MAPK6: variants seen among roughly 807,000 people sequenced by gnomAD.
The protein encoded by MAPK6 is ERK-3.
MAPK6 carries 19 observed loss-of-function variants against 59.3 expected under a neutral mutation model. That is an observed-to-expected ratio of 0.32 (90% confidence interval 0.22 to 0.47). MAPK6 has a LOEUF of 0.47. MAPK6 is among the 20% of genes least tolerant of loss of function. MAPK6 has a pLI of 1.00. For missense variants in MAPK6, 724 were observed against 847.9 expected, an observed-to-expected ratio of 0.85 and a Z score of 1.81; for synonymous variants, 316 against 290.3, an observed-to-expected ratio of 1.09 and a Z score of -0.90.
chr15:51,993,404 C>T (rs537389026), intron 2 of MAPK6, among the ~76,000 whole-genome samples: 7 of 152,256 alleles, frequency 4.6e-5, no homozygotes, highest in African/African-American at 1.7e-4. Flanking sequence ...ATGTCACAGA[C>T]AGACCCAGGA....
chr15:52,044,381 A>G (rs2031534837), intron 1 of MAPK6, among the ~76,000 whole-genome samples: 1 of 152,196 alleles, frequency 6.6e-6, no homozygotes, highest in Non-Finnish European at 1.5e-5. Flanking sequence ...TCTTTCTCCT[A>G]TTGGACAATG....
chr15:52,032,281 C>T (rs973894133), intron 1 of MAPK6, among the ~76,000 whole-genome samples: 3 of 149,676 alleles, frequency 2.0e-5, no homozygotes, highest in Non-Finnish European at 4.4e-5. Flanking sequence ...ACCTCCGACT[C>T]CCTGGTTTAA....
chr15:51,976,633 A>G (rs1190762676), intron 1 of MAPK6, among the ~76,000 whole-genome samples: 1 of 151,796 alleles, frequency 6.6e-6, no homozygotes, highest in African/African-American at 2.4e-5. Context: ...AGTTAGAACT[A>G]TGTGGAATTG....
At chr15:52,059,483 G>C (rs944644209) in intron 4 of MAPK6, among the ~76,000 whole-genome samples, 10 of 152,110 alleles carry the variant, frequency 6.6e-5, no homozygotes, top group African/African-American at 2.4e-4. Flanking sequence ...GTGGAGTGGG[G>C]AACAGGGTGG....
chr15:52,057,781 A>T (rs1439702919), intron 3 of MAPK6, among the ~76,000 whole-genome samples: 1 of 152,200 alleles, frequency 6.6e-6, no homozygotes, highest in Non-Finnish European at 1.5e-5. Flanking sequence ...ACTTTAAAAA[A>T]GTATTAACAA....
At chr15:52,047,160 CTGTT>C (rs1234168832) in intron 2 of MAPK6, 145 bp downstream of exon 2, 2 of 486,758 alleles carry the variant, frequency 4.1e-6, no homozygotes, top group Non-Finnish European at 6.9e-6. Flanking sequence ...ACAAGTCTCT[CTGTT>C]TGAAATGAAG....
chr15:51,981,458 C>A (rs543588204), intron 1 of MAPK6, among the ~76,000 whole-genome samples: 60 of 141,032 alleles, frequency 4.3e-4, no homozygotes, highest in Non-Finnish European at 8.2e-4. Context: ...GGTGACAGAG[C>A]GAGACTCCGT....
At chr15:51,981,355 C>T (rs1449355937) in intron 1 of MAPK6, among the ~76,000 whole-genome samples, 1 of 151,896 alleles carries the variant, frequency 6.6e-6, no homozygotes, top group Admixed American at 6.6e-5. Context: ...CGCCTGTAGT[C>T]CCAGCTACTC....
At chr15:52,063,658 G>T (rs976444548) in intron 5 of MAPK6, among the ~76,000 whole-genome samples, 5 of 152,124 alleles carry the variant, frequency 3.3e-5, no homozygotes, top group African/African-American at 9.7e-5. Flanking sequence ...TCTTTTGTTT[G>T]CATGGAACTG....
intron 2 of MAPK6, among the ~76,000 whole-genome samples, chr15:51,994,421 A>G (rs904101802): frequency 1.3e-5 from 2 of 152,128 alleles, no homozygotes; most frequent in African/African-American, 4.8e-5. Context: ...ATTACAGGCC[A>G]TTTATTTTTA....
chr15:52,020,952 C>T (rs1030299887), intron 1 of MAPK6, among the ~76,000 whole-genome samples: 1 of 152,072 alleles, frequency 6.6e-6, no homozygotes, highest in South Asian at 2.1e-4. Context: ...TATTTGATCA[C>T]CTAGGTATTA....
intron 1 of MAPK6, among the ~76,000 whole-genome samples, chr15:52,022,504 T>G (rs2030573935): frequency 6.6e-6 from 1 of 152,148 alleles, no homozygotes. Context: ...TCAAGCAATC[T>G]GCCTGCCTCA....
chr15:52,021,149 TCTAAAGA>T (rs148140232), intron 1 of MAPK6, among the ~76,000 whole-genome samples: 2,458 of 152,306 alleles, frequency 0.016, 28 homozygotes, highest in African/African-American at 0.033. Flanking sequence ...ATGCACACAT[TCTAAAGA>T]CTAATGTTAG....
intron 4 of MAPK6, among the ~76,000 whole-genome samples, chr15:52,060,269 G>A (rs994045573): frequency 6.6e-6 from 1 of 152,084 alleles, no homozygotes; most frequent in African/African-American, 2.4e-5. Context: ...AAAGAAAAGG[G>A]TTCTTTCTAG....
intron 1 of MAPK6, among the ~76,000 whole-genome samples, chr15:52,036,786 T>TTCCTTCCTTTTTCTTTCCTTTCTTTCCC (rs1430835559): frequency 6.6e-6 from 1 of 152,126 alleles, no homozygotes; most frequent in Non-Finnish European, 1.5e-5. Flanking sequence ...CTTTCTTTCC[T>TTCCTTCCTTTTTCTTTCCTTTCTTTCCC]TCCTTCCTTT....
rs897181129 is a variant in MAPK6 at position 52,010,053 on chromosome 15, G to C, written c.-632+5651G>C. ...CCCAAAGTGCTGGGATTACAGGCGT[G>C]AGTCACCGTGCCTGGCCTTAAGTAA... On this transcript the variant is annotated intron_variant, in intron 3 of 7. Coordinates refer to the MAPK6 transcript ENST00000691380. 2.6e-5 allele frequency among the ~76,000 whole-genome samples: 4 copies of C among 152,068 alleles called. No homozygotes were observed. The East Asian group carries it at 7.7e-4, about 29-fold the overall frequency.
chr15:52,027,036 C>T (rs1240120739), intron 1 of MAPK6, among the ~76,000 whole-genome samples: 2 of 144,072 alleles, frequency 1.4e-5, no homozygotes, highest in African/African-American at 2.6e-5. Flanking sequence ...GGCGACAGAG[C>T]AATACTCTGT....
upstream of MAPK6, among the ~76,000 whole-genome samples, chr15:52,014,276 T>G (rs1370680392): frequency 6.6e-6 from 1 of 152,166 alleles, no homozygotes; most frequent in Non-Finnish European, 1.5e-5. Flanking sequence ...GGCAGTGACT[T>G]TCAAACTTTT....
intron 4 of MAPK6, 79 bp from the exon 5 acceptor site, chr15:52,061,220 A>C: frequency 9.3e-7 from 1 of 1,080,366 alleles, no homozygotes; most frequent in South Asian, 1.3e-5. Flanking sequence ...TAGTCATTGA[A>C]ATAAATGAGA....
Sources: gnomAD v4.1 joint callset for allele counts (sites outside exome capture counted in the v4.1 genomes callset) on GRCh38, gnomAD v4.1.1 for gene constraint, MANE v1.5 for transcripts, NCBI Gene and HGNC (gene_info 2026-07-23, HGNC 2026-07-21) for gene names.